Variants in FSTL5 observed in about 807,000 individuals in gnomAD.
FSTL5 encodes follistatin-related protein 5.
In FSTL5, 62 loss-of-function variants were observed where a neutral mutation model predicts 89.1. The observed-to-expected ratio is 0.70, with a 90% CI of 0.57 to 0.86. FSTL5 has a LOEUF of 0.86. Among genes scored for constraint, FSTL5 ranks in the 40% least tolerant of loss-of-function variants. The pLI, the probability that FSTL5 is intolerant of heterozygous loss-of-function variation, is 0.00. For missense variants in FSTL5, 1,057 were observed against 1,001.6 expected (o/e 1.06, Z -0.75); for synonymous variants, 383 against 346.2 (o/e 1.11, Z -1.18).
chr4:161,751,468 G>A (rs915473405), intron 6 of FSTL5, among the ~76,000 whole-genome samples: 1 of 152,080 alleles, frequency 6.6e-6, no homozygotes, highest in Non-Finnish European at 1.5e-5. Flanking sequence ...ATAGCCAGGG[G>A]ATAGCTATGA....
At position 161,920,520 on chromosome 4, in the gene FSTL5, T is replaced by G. The variant is rs1733964083; in HGVS notation, c.293A>C (p.Lys98Thr). Residue 98 changes from lysine (K) to threonine (T), a missense_variant, in exon 4 of 16, where the codon AAA becomes ACA. Physicochemically the swap from Lys to Thr is moderately conservative, Grantham distance 78 (BLOSUM62 -1). Transcript: ENST00000306100. The part of the protein sequence containing the change: ...ACMDLCKRHY[K>T]PVCGSDGEFY... ...TTCTCCGTCAGATCCACACACAGGTTTGTAGTGACGTTTGCAAAGGTCCAT... is the reference window on the plus strand; with the variant it reads ...TTCTCCGTCAGATCCACACACAGGTGTGTAGTGACGTTTGCAAAGGTCCAT... The G allele has an allele frequency of 6.2e-7, 1 of 1,614,098 alleles. No homozygotes were observed. Among genetic ancestry groups the G allele is most frequent in the Middle Eastern group, 1.6e-4 (1 of 6,062 alleles).
intron 5 of FSTL5, among the ~76,000 whole-genome samples, chr4:161,775,159 G>T (rs992770534): frequency 6.6e-6 from 1 of 151,964 alleles, no homozygotes; most frequent in African/African-American, 2.4e-5. Flanking sequence ...TATAAAAATG[G>T]TCTACTTCCC....
chr4:161,938,153 C>A (rs931195598), intron 3 of FSTL5, among the ~76,000 whole-genome samples: 2 of 151,992 alleles, frequency 1.3e-5, no homozygotes, highest in African/African-American at 4.8e-5. Flanking sequence ...CTGCATAACA[C>A]CTAAAAAATT....
chr4:161,532,403 T>C (rs1253195823), intron 10 of FSTL5, among the ~76,000 whole-genome samples: 2 of 152,140 alleles, frequency 1.3e-5, no homozygotes, highest in Non-Finnish European at 2.9e-5. Context: ...AGGTGTTGTG[T>C]GATTCCAACA....
At chr4:161,614,613 A>C (rs550725564) in intron 7 of FSTL5, among the ~76,000 whole-genome samples, 1 of 152,318 alleles carries the variant, frequency 6.6e-6, no homozygotes, top group Non-Finnish European at 1.5e-5. Context: ...AAAAATGCTT[A>C]TGTTGCATGA....
At chr4:161,447,478 T>C (rs1199244587) in intron 15 of FSTL5, among the ~76,000 whole-genome samples, 2 of 152,040 alleles carry the variant, frequency 1.3e-5, no homozygotes, top group African/African-American at 2.4e-5. Flanking sequence ...TTCTTACAAG[T>C]GTCAGAGCAG....
intron 2 of FSTL5, among the ~76,000 whole-genome samples, chr4:162,108,204 G>A (rs1003553515): frequency 4.6e-5 from 7 of 152,046 alleles, no homozygotes; most frequent in Admixed American, 1.3e-4. Flanking sequence ...ATGATAGATT[G>A]TTGTGTCATT....
Position 162,029,268 on chromosome 4 carries a change from T to G in FSTL5, c.160+4357A>C, listed in dbSNP as rs148346300. ...CTTTTAATTTGATTAGATATAGTCT[T>G]AACATAATATTTTCCTATGGTTTCA... is the stretch of plus-strand genomic sequence containing the variant. On this transcript the variant is annotated intron_variant, in intron 3 of 15. Transcript: ENST00000306100. Among the ~76,000 whole-genome samples the G allele has an allele frequency of 7.2e-5, 11 of 152,160 alleles. No individual in the cohort carries two copies. The East Asian group carries it at 2.1e-3, about 29-fold the overall frequency.
intron 15 of FSTL5, among the ~76,000 whole-genome samples, chr4:161,406,087 T>A (rs966106668): frequency 6.6e-6 from 1 of 152,124 alleles, no homozygotes; most frequent in Admixed American, 6.5e-5. Flanking sequence ...CAAAATCCTA[T>A]AAAAACAGAA....
At chr4:161,706,520 G>A (rs1035321699) in intron 6 of FSTL5, among the ~76,000 whole-genome samples, 20 of 151,942 alleles carry the variant, frequency 1.3e-4, no homozygotes, top group African/African-American at 4.6e-4. Flanking sequence ...ATTGCCTATC[G>A]AATGCTTTTT....
At chr4:161,554,925 A>T (rs749714071) in intron 8 of FSTL5, among the ~76,000 whole-genome samples, 2 of 151,642 alleles carry the variant, frequency 1.3e-5, no homozygotes, top group Non-Finnish European at 3.0e-5. Flanking sequence ...AGCTTGTCCA[A>T]TGCCTTTTGT....
intron 6 of FSTL5, among the ~76,000 whole-genome samples, chr4:161,672,332 G>A (rs1420406172): frequency 2.6e-5 from 4 of 152,002 alleles, no homozygotes; most frequent in East Asian, 1.9e-4. Flanking sequence ...GACAGTTTAC[G>A]ACCCAAGAAT....
chr4:162,133,143 G>T (rs1351618459), intron 1 of FSTL5, among the ~76,000 whole-genome samples: 1 of 152,168 alleles, frequency 6.6e-6, no homozygotes, highest in Admixed American at 6.5e-5. Flanking sequence ...TAGAGACGGG[G>T]TTTCACTGTG....
intron 6 of FSTL5, among the ~76,000 whole-genome samples, chr4:161,719,267 T>C (rs1034089074): frequency 6.6e-6 from 1 of 152,208 alleles, no homozygotes; most frequent in African/African-American, 2.4e-5. Flanking sequence ...TATGGTTTTA[T>C]TTCTGAGATC....
intron 3 of FSTL5, among the ~76,000 whole-genome samples, chr4:162,002,435 C>A (rs1736491776): frequency 6.6e-6 from 1 of 152,190 alleles, no homozygotes. Context: ...CTTAGGCTAT[C>A]CACAATATCT....
chr4:161,595,513 A>G (rs1733984158), intron 7 of FSTL5, among the ~76,000 whole-genome samples: 1 of 152,102 alleles, frequency 6.6e-6, no homozygotes. Context: ...TTGATTGCTT[A>G]TATATTTTTC....
chr4:161,431,545 A>G (rs1465681749), intron 15 of FSTL5, among the ~76,000 whole-genome samples: 1 of 152,092 alleles, frequency 6.6e-6, no homozygotes. Flanking sequence ...GAAAGGGAGA[A>G]AGAAGAAAGA....
chr4:161,889,887 G>A (rs182159060), intron 4 of FSTL5, among the ~76,000 whole-genome samples: 14 of 152,088 alleles, frequency 9.2e-5, no homozygotes, highest in Admixed American at 3.3e-4. Context: ...TCCTAAAACC[G>A]TATGGTTTAT....
In FSTL5 at chr4:161,956,177, G is replaced by T. The variant is rs139641908; in HGVS notation, c.161-35525C>A. ...TACTACAAGTTGCCAAATAAATACA[G>T]TAGAACTAAGGAAGGGATAAGTGCT... is the stretch of plus-strand genomic sequence containing the variant. On this transcript the variant is annotated intron_variant, in intron 3 of 15. Transcript: ENST00000306100. Among the ~76,000 whole-genome samples the T allele has an allele frequency of 8.2e-3, 1,242 of 151,844 alleles. 16 individuals carry two copies. Among genetic ancestry groups the T allele is most frequent in the African/African-American group, 0.028 (1,151 of 41,498 alleles).
Sources: allele counts gnomAD v4.1 joint callset (sites outside exome capture counted in the v4.1 genomes callset), GRCh38; gene constraint gnomAD v4.1.1; transcripts MANE v1.5; gene names NCBI Gene and HGNC (gene_info 2026-07-23, HGNC 2026-07-21).